PRKN: variants seen among roughly 807,000 people sequenced by gnomAD.
PRKN encodes E3 ubiquitin-protein ligase parkin.
PRKN carries 56 observed loss-of-function variants against 59.5 expected under a neutral mutation model. That is an observed-to-expected ratio of 0.94 (90% confidence interval 0.76 to 1.18). PRKN has a LOEUF of 1.18. Among genes scored for constraint, PRKN ranks in the 50% most tolerant of loss-of-function variants. The pLI, the probability that PRKN is intolerant of heterozygous loss-of-function variation, is 0.00. For missense variants in PRKN, 657 were observed against 596.4 expected, an observed-to-expected ratio of 1.10 and a Z score of -1.06; for synonymous variants, 250 against 222.1, an observed-to-expected ratio of 1.13 and a Z score of -1.12.
intron 1 of PRKN, among the ~76,000 whole-genome samples, chr6:162,520,854 A>T (rs1778055596): frequency 6.6e-6 from 1 of 152,186 alleles, no homozygotes; most frequent in African/African-American, 2.4e-5. Context: ...ACTTTCGCTA[A>T]GCAAATCTTT....
At chr6:162,413,999 T>C (rs1439221333) in intron 2 of PRKN, among the ~76,000 whole-genome samples, 10 of 152,006 alleles carry the variant, frequency 6.6e-5, no homozygotes, top group Non-Finnish European at 1.5e-4. Context: ...CTGGCCAACA[T>C]GGGGAAATCC....
chr6:162,602,214 A>G (rs1337291285), intron 1 of PRKN, among the ~76,000 whole-genome samples: 1 of 152,234 alleles, frequency 6.6e-6, no homozygotes, highest in African/African-American at 2.4e-5. Context: ...CCTGGGTCCT[A>G]AAGGCTTTAG....
chr6:161,984,818 G>A (rs934411652), intron 5 of PRKN, among the ~76,000 whole-genome samples: 3 of 152,192 alleles, frequency 2.0e-5, no homozygotes, highest in East Asian at 1.9e-4. Context: ...GACTCCAAAC[G>A]CTTTAGAACT....
intron 1 of PRKN, among the ~76,000 whole-genome samples, chr6:162,510,016 A>G (rs1037632878): frequency 6.6e-6 from 1 of 152,158 alleles, no homozygotes; most frequent in African/African-American, 2.4e-5. Flanking sequence ...GCAGTACTGA[A>G]AGGGCCTAAT....
intron 4 of PRKN, among the ~76,000 whole-genome samples, chr6:162,122,304 G>C (rs1780947673): frequency 6.6e-6 from 1 of 152,214 alleles, no homozygotes; most frequent in Non-Finnish European, 1.5e-5. Flanking sequence ...TCCTGCAGCA[G>C]TGAGTGCTCA....
intron 4 of PRKN, among the ~76,000 whole-genome samples, chr6:162,106,913 G>C (rs1780214187): frequency 6.6e-6 from 1 of 152,142 alleles, no homozygotes. Flanking sequence ...AGCCCTCACT[G>C]TTCACTTTCC....
intron 7 of PRKN, among the ~76,000 whole-genome samples, chr6:161,761,825 G>A (rs921113921): frequency 2.6e-5 from 4 of 152,200 alleles, no homozygotes; most frequent in African/African-American, 9.7e-5. Flanking sequence ...GGAAGAACAA[G>A]ATTTGAAGGT....
chr6:162,648,157 A>T (rs1311992527), intron 1 of PRKN, among the ~76,000 whole-genome samples: 3 of 152,098 alleles, frequency 2.0e-5, no homozygotes, highest in Non-Finnish European at 4.4e-5. Flanking sequence ...TGTATTAAAT[A>T]TCACATGTAA....
intron 5 of PRKN, among the ~76,000 whole-genome samples, chr6:162,020,506 T>C (rs1321037518): frequency 6.6e-6 from 1 of 152,190 alleles, no homozygotes; most frequent in Non-Finnish European, 1.5e-5. Context: ...AAGTTGGATG[T>C]AGCTGATAGG....
chr6:162,453,888 AGTGAGACTGTGTCTC>A (rs1293568518), intron 1 of PRKN, among the ~76,000 whole-genome samples: 1 of 152,116 alleles, frequency 6.6e-6, no homozygotes, highest in Admixed American at 6.5e-5. Flanking sequence ...GGGCGACAAG[AGTGAGACTGTGTCTC>A]CAAAAAAAAA....
chr6:162,601,574 G>T (rs375281733), intron 1 of PRKN, among the ~76,000 whole-genome samples: 10 of 151,904 alleles, frequency 6.6e-5, no homozygotes, highest in African/African-American at 2.4e-4. Flanking sequence ...CCCTTTCCTC[G>T]AACCCTCTTC....
intron 2 of PRKN, among the ~76,000 whole-genome samples, chr6:162,336,554 A>G (rs913009217): frequency 6.6e-6 from 1 of 152,198 alleles, no homozygotes; most frequent in Non-Finnish European, 1.5e-5. Flanking sequence ...TCTGAAAATG[A>G]TTGATGCCTG....
chr6:161,388,652 A>C lies in PRKN; in HGVS notation c.1084-1775T>G, dbSNP rs1786370191. Among the ~76,000 whole-genome samples the C allele has an allele frequency of 6.6e-6, 1 of 152,226 alleles. No individual in the cohort carries two copies. The highest frequency in any genetic ancestry group is 1.5e-5 in the Non-Finnish European group (1 of 68,036). ...ACTTGACTCCTAGAATATGGTAGAA[A>C]TGATGGTGTACCACTTTCTAGGCCC... is the stretch of plus-strand genomic sequence containing the variant. On this transcript the variant is annotated intron_variant, in intron 9 of 11. Transcript: ENST00000366898. This position sits in a 1 kb window ranked among gnomAD's most constrained non-coding sequence, Gnocchi z 4.3.
At chr6:162,592,614 G>A (rs1458267818) in intron 1 of PRKN, among the ~76,000 whole-genome samples, 2 of 152,046 alleles carry the variant, frequency 1.3e-5, no homozygotes, top group Admixed American at 1.3e-4. Context: ...AACCAAAAGA[G>A]GTGTGTTCAC....
chr6:162,622,664 G>C (rs528077869), intron 1 of PRKN, among the ~76,000 whole-genome samples: 1 of 152,178 alleles, frequency 6.6e-6, no homozygotes, highest in Non-Finnish European at 1.5e-5. Context: ...TTTTCTAAGT[G>C]AAAAATGACA....
chr6:162,638,900 AC>A (rs1388553095), intron 1 of PRKN, among the ~76,000 whole-genome samples: 2 of 151,810 alleles, frequency 1.3e-5, no homozygotes, highest in African/African-American at 4.8e-5. Context: ...ACCTGCCACC[AC>A]ACCCAGCTAA....
Position 162,021,119 on chromosome 6 carries a change from CATATATATAT to C in PRKN, c.618+32962_618+32971del, listed in dbSNP as rs869269519. On this transcript the variant is annotated intron_variant, in intron 5 of 11. Coordinates refer to ENST00000366898, the MANE Select transcript of PRKN (RefSeq NM_004562.3). Reference sequence around the variant, plus strand: ...CTCTGTCTCAAAAAAAAAACAAAAACATATATATATATATATATATATATATATATATATA... The same window carrying C: ...CTCTGTCTCAAAAAAAAAACAAAAACATATATATATATATATATATATATA... 2.1e-3 allele frequency among the ~76,000 whole-genome samples: 100 copies of C among 46,562 alleles called. 2 individuals are homozygous for C. Among genetic ancestry groups the C allele is most frequent in the South Asian group, 3.6e-3 (4 of 1,106 alleles). The allele number at this position is 46,562 out of a possible 152,430, so 30.5% of individuals were successfully genotyped here.
chr6:162,384,275 T>C (rs1210582334), intron 2 of PRKN, among the ~76,000 whole-genome samples: 1 of 152,148 alleles, frequency 6.6e-6, no homozygotes, highest in Non-Finnish European at 1.5e-5. Flanking sequence ...AAGTGAGAGA[T>C]TTGCAACTCC....
At chr6:161,416,055 G>A (rs1306330633) in intron 9 of PRKN, among the ~76,000 whole-genome samples, 1 of 152,062 alleles carries the variant, frequency 6.6e-6, no homozygotes, top group East Asian at 1.9e-4. Context: ...TCCCACCCCA[G>A]GCGCAGCAGA....
Sources: allele counts gnomAD v4.1 joint callset (sites outside exome capture counted in the v4.1 genomes callset), GRCh38; gene constraint gnomAD v4.1.1; non-coding constraint Gnocchi (gnomAD v3.1); transcripts MANE v1.5; gene names NCBI Gene and HGNC (gene_info 2026-07-23, HGNC 2026-07-21).